NR1I2: variants seen among roughly 807,000 people sequenced by gnomAD.
NR1I2 encodes the protein orphan nuclear receptor PAR1.
Under a neutral mutation model 43.3 loss-of-function variants are expected in NR1I2, and 42 were observed. That is an observed-to-expected ratio of 0.97 (90% CI 0.76 to 1.26). NR1I2 has a LOEUF of 1.26. Among genes scored for constraint, NR1I2 ranks in the 50% most tolerant of loss-of-function variants. The pLI is 0.00. For missense variants in NR1I2, 559 were observed against 566.7 expected (o/e 0.99, Z 0.14); for synonymous variants, 229 against 215.0 (o/e 1.06, Z -0.57).
intron 1 of NR1I2, among the ~76,000 whole-genome samples, chr3:119,787,219 T>A (rs1241272228): frequency 6.7e-6 from 1 of 150,190 alleles, no homozygotes. Context: ...ACCCAGAAGG[T>A]GGAGGTTGCA....
At chr3:119,807,643 A>G (rs952279256) in intron 2 of NR1I2, among the ~76,000 whole-genome samples, 196 bp downstream of exon 2, 3 of 152,218 alleles carry the variant, frequency 2.0e-5, no homozygotes, top group African/African-American at 7.2e-5. Flanking sequence ...TCTACCCAGG[A>G]AAGGTCTCCT....
chr3:119,782,550 CAGGAGA>C (rs3842689), intron 1 of NR1I2, among the ~76,000 whole-genome samples: 53,175 of 151,606 alleles, frequency 0.35, 9,580 homozygotes, highest in Middle Eastern at 0.44. Context: ...AAAATCACCA[CAGGAGA>C]AGCCTTAACT....
intron 4 of NR1I2, 58 bp from the exon 5 acceptor site, chr3:119,812,628 C>T: frequency 6.2e-7 from 1 of 1,605,574 alleles, no homozygotes; most frequent in Non-Finnish European, 8.5e-7. Context: ...TGAGTTGGGA[C>T]CTGTCTATGA....
chr3:119,813,683 T>C (rs1160462175), intron 5 of NR1I2, among the ~76,000 whole-genome samples: 1 of 152,138 alleles, frequency 6.6e-6, no homozygotes, highest in African/African-American at 2.4e-5. Context: ...CAGAGGTTCT[T>C]CTCTGGCCCT....
intron 1 of NR1I2, among the ~76,000 whole-genome samples, chr3:119,802,748 A>G (rs1462657617): frequency 6.6e-6 from 1 of 152,136 alleles, no homozygotes. Context: ...GGGTTATGTA[A>G]AGTCCCTGGG....
chr3:119,804,353 T>C (rs918319651), intron 1 of NR1I2, among the ~76,000 whole-genome samples: 1 of 150,030 alleles, frequency 6.7e-6, no homozygotes, highest in Non-Finnish European at 1.5e-5. Flanking sequence ...CCAGCCTGGG[T>C]GACAGAGCGA....
At chr3:119,794,715 A>G (rs1454696848) in intron 1 of NR1I2, among the ~76,000 whole-genome samples, 1 of 152,118 alleles carries the variant, frequency 6.6e-6, no homozygotes, top group Non-Finnish European at 1.5e-5. Context: ...AGGCAGATGG[A>G]TCACCTGAGG....
intron 1 of NR1I2, among the ~76,000 whole-genome samples, chr3:119,785,802 G>A (rs2054835200): frequency 6.6e-6 from 1 of 152,142 alleles, no homozygotes; most frequent in Non-Finnish European, 1.5e-5. Context: ...AGTATTTCTA[G>A]GTGCTGCATA....
chr3:119,807,573 A>T, intron 2 of NR1I2, 126 bp downstream of exon 2: 1 of 771,800 alleles, frequency 1.3e-6, no homozygotes. Flanking sequence ...AAGGCCTTGT[A>T]ATTAGTCTCA....
rs753842425 is a variant in NR1I2 at position 119,815,710 on chromosome 3, C to T, written c.1055-16C>T. ...CTTTGCCCCATGATCTTGCACCACA[C>T]CTCCCTCCCCTCCAGACCGCCCAGG... is the stretch of plus-strand genomic sequence containing the variant. On this transcript the variant is annotated splice_polypyrimidine_tract_variant and intron_variant, in intron 7 of 8. Coordinates refer to ENST00000393716, the MANE Select transcript of NR1I2 (RefSeq NM_003889.4). The T allele has an allele frequency of 1.2e-6, 2 of 1,602,332 alleles. No individual in the cohort carries two copies. Among genetic ancestry groups the T allele is most frequent in the Non-Finnish European group, 1.7e-6 (2 of 1,171,914 alleles).
intron 1 of NR1I2, among the ~76,000 whole-genome samples, chr3:119,794,277 C>CGA (rs2054963518): frequency 6.6e-6 from 1 of 151,930 alleles, no homozygotes; most frequent in Non-Finnish European, 1.5e-5. Context: ...ACTGCAGCCT[C>CGA]GACCTCCTGG....
chr3:119,811,704 T>G lies in NR1I2; in HGVS notation c.497T>G (p.Phe166Cys). 6.2e-7 allele frequency: 1 copy of G among 1,611,688 alleles called. No individual in the cohort carries two copies. The highest frequency in any genetic ancestry group is 1.1e-5 in the South Asian group (1 of 90,534). ...CAGATGAAAACCTTTGACACTACCT[T>G]CTCCCATTTCAAGAATTTCCGGGTA... Residue 166 changes from phenylalanine to cysteine, a missense_variant, in exon 4 of 9, where the codon TTC (phenylalanine) becomes TGC (cysteine). Physicochemically the swap from Phe to Cys is radical, Grantham distance 205. This residue lies in a region of NR1I2 where 232 missense variants were observed against 236.6 expected (regional missense o/e 0.98). Transcript: ENST00000393716.
chr3:119,798,648 AAAAAAAG>A (rs2055033114), intron 1 of NR1I2, among the ~76,000 whole-genome samples: 2 of 151,504 alleles, frequency 1.3e-5, no homozygotes, highest in Admixed American at 1.3e-4. Context: ...TCAAAAAAAA[AAAAAAAG>A]AAAAAGAAAG....
intron 1 of NR1I2, among the ~76,000 whole-genome samples, chr3:119,789,527 C>A (rs183275227): frequency 2.0e-5 from 3 of 152,160 alleles, no homozygotes; most frequent in Non-Finnish European, 2.9e-5. Flanking sequence ...TTGGGGGAAC[C>A]GCCCCCATGA....
chr3:119,785,660 CTCCAGGA>C (rs1430606425), intron 1 of NR1I2, among the ~76,000 whole-genome samples: 1 of 152,196 alleles, frequency 6.6e-6, no homozygotes, highest in African/African-American at 2.4e-5. Context: ...GTCCAGAAAA[CTCCAGGA>C]TGATCATGAC....
chr3:119,789,989 A>C (rs1304788115), intron 1 of NR1I2, among the ~76,000 whole-genome samples: 1 of 152,162 alleles, frequency 6.6e-6, no homozygotes, highest in African/African-American at 2.4e-5. Context: ...CTAAGTGTAT[A>C]GCTCAATAAT....
chr3:119,797,749 G>T (rs1399192271), intron 1 of NR1I2, among the ~76,000 whole-genome samples: 1 of 152,110 alleles, frequency 6.6e-6, no homozygotes, highest in Non-Finnish European at 1.5e-5. Context: ...GCTCCCCACT[G>T]GCTTTTGCCA....
At chr3:119,787,395 G>A (rs1000974842) in intron 1 of NR1I2, among the ~76,000 whole-genome samples, 1 of 151,858 alleles carries the variant, frequency 6.6e-6, no homozygotes, top group African/African-American at 2.4e-5. Flanking sequence ...CCCTGCCCCC[G>A]ACTCCCTTAT....
At chr3:119,792,119 T>TA in intron 1 of NR1I2, 1 of 782,870 alleles carries the variant, frequency 1.3e-6, no homozygotes, top group South Asian at 1.4e-5. Flanking sequence ...GGCCTGTCAC[T>TA]AGCCAGCTTC....
Sources: allele counts gnomAD v4.1 joint callset (sites outside exome capture counted in the v4.1 genomes callset), GRCh38; gene constraint gnomAD v4.1.1; regional missense constraint gnomAD v4.1.1; transcripts MANE v1.5; gene names NCBI Gene and HGNC (gene_info 2026-07-23, HGNC 2026-07-21).